The following ESRRG variants were observed in gnomAD, a reference collection of about 807,000 sequenced individuals.
ESRRG encodes the protein estrogen related receptor gamma, also known as estrogen-related receptor gamma.
ESRRG carries 13 observed loss-of-function variants against 44.0 expected under a neutral mutation model. That is an observed-to-expected ratio of 0.30 (90% CI 0.19 to 0.47). The LOEUF is 0.47. Among genes scored for constraint, ESRRG ranks in the 20% least tolerant of loss-of-function variants. The pLI, the probability that ESRRG is intolerant of heterozygous loss-of-function variation, is 1.00. For synonymous variants in ESRRG, 215 were observed against 214.6 expected, an observed-to-expected ratio of 1.00 and a Z score of -0.02; for missense variants, 395 against 580.6, an observed-to-expected ratio of 0.68 and a Z score of 3.29.
chr1:216,983,290 G>T (rs2074297353), intron 1 of ESRRG, among the ~76,000 whole-genome samples: 1 of 151,716 alleles, frequency 6.6e-6, no homozygotes, highest in African/African-American at 2.4e-5. Flanking sequence ...GGAGATTGGT[G>T]GTGTGATCTA....
rs551386102 is a variant in ESRRG at position 216,985,900 on chromosome 1, A to C, written c.-105-46227T>G. 5 of 152,340 alleles carry C rather than the reference A, an allele frequency of 3.3e-5. No homozygotes were observed. The East Asian group carries it at 9.7e-4, about 29-fold the overall frequency. 9.4% of individuals were successfully genotyped at this position (152,340 alleles called of 1,614,324 possible). ...AAATGTATACCAGTCCTTGGGAATT[A>C]AAATATAGGTCTCTTAGACAGGACA... On this transcript the variant is annotated intron_variant, in intron 1 of 7. Coordinates refer to the ESRRG transcript ENST00000359162.
At chr1:216,881,957 G>T (rs2096454500) in intron 2 of ESRRG, among the ~76,000 whole-genome samples, 1 of 145,728 alleles carries the variant, frequency 6.9e-6, no homozygotes, top group African/African-American at 2.6e-5. Context: ...CAATGAGTTT[G>T]CTATGCACTG....
intron 1 of ESRRG, among the ~76,000 whole-genome samples, chr1:216,683,379 A>C (rs2077370091): frequency 6.6e-6 from 1 of 152,198 alleles, no homozygotes; most frequent in African/African-American, 2.4e-5. Flanking sequence ...AATAGAATGG[A>C]TTTCTGTATA....
chr1:216,622,062 T>G (rs920599732), intron 3 of ESRRG, among the ~76,000 whole-genome samples: 4 of 152,210 alleles, frequency 2.6e-5, no homozygotes, highest in African/African-American at 9.6e-5. Flanking sequence ...TGGCATGGAA[T>G]TCAAGCAACA....
intron 2 of ESRRG, chr1:216,863,645 T>C (rs1300366912): frequency 6.6e-6 from 1 of 152,224 alleles, no homozygotes. Flanking sequence ...TTTTGAGAAA[T>C]AGTTATTATT....
chr1:216,868,906 A>G (rs2096216229), intron 2 of ESRRG, among the ~76,000 whole-genome samples: 1 of 152,154 alleles, frequency 6.6e-6, no homozygotes, highest in Admixed American at 6.5e-5. Flanking sequence ...ACATTTTAAA[A>G]TTAGGTTGTT....
chr1:216,858,657 C>T (rs1210150925), intron 2 of ESRRG, among the ~76,000 whole-genome samples: 1 of 152,134 alleles, frequency 6.6e-6, no homozygotes, highest in Non-Finnish European at 1.5e-5. Flanking sequence ...CAAGAACTCT[C>T]TTGGCAGGGA....
chr1:217,049,294 A>G (rs909619280), intron 1 of ESRRG, among the ~76,000 whole-genome samples: 26 of 152,118 alleles, frequency 1.7e-4, no homozygotes, highest in African/African-American at 6.0e-4. Flanking sequence ...GCTACTGTGA[A>G]TCTCCAAGAA....
chr1:216,940,528 C>G (rs545998036), intron 1 of ESRRG, among the ~76,000 whole-genome samples: 1 of 152,158 alleles, frequency 6.6e-6, no homozygotes, highest in African/African-American at 2.4e-5. Context: ...ATGCCCCTGA[C>G]AGTTTGTTTG....
At chr1:216,687,342 C>T (rs149557892) in intron 1 of ESRRG, among the ~76,000 whole-genome samples, 20 of 152,126 alleles carry the variant, frequency 1.3e-4, no homozygotes, top group African/African-American at 3.9e-4. Flanking sequence ...TCCCAGTGTG[C>T]GACACCACGC....
intron 2 of ESRRG, among the ~76,000 whole-genome samples, chr1:216,777,736 TTCTC>T (rs1171812754): frequency 2.0e-5 from 3 of 152,126 alleles, no homozygotes; most frequent in African/African-American, 7.2e-5. Context: ...CCACATTCCT[TTCTC>T]TCTCTTTCTT....
Position 217,017,490 on chromosome 1 carries a change from A to AT in ESRRG, c.-106+72016_-106+72017insA, listed in dbSNP as rs530083280. 4.5e-3 allele frequency among the ~76,000 whole-genome samples: 502 copies of AT among 111,944 alleles called. 3 individuals carry two copies. The highest frequency in any genetic ancestry group is 0.013 in the Admixed American group (129 of 10,282). 73.4% of individuals were successfully genotyped at this position (111,944 alleles called of 152,430 possible). On this transcript the variant is annotated intron_variant, in intron 1 of 7. Transcript: ENST00000359162. ...AATCTACATAACTCAAAAAAAAAAA[A>AT]AAAAAAAAGGAGAAAACCACTCCAC... is the stretch of plus-strand genomic sequence containing the variant.
At chr1:217,116,383 A>C (rs1279602858) in intron 1 of ESRRG, among the ~76,000 whole-genome samples, 1 of 152,166 alleles carries the variant, frequency 6.6e-6, no homozygotes, top group Non-Finnish European at 1.5e-5. Flanking sequence ...TTTTAAGAAG[A>C]GAGCTCCTGT....
At chr1:217,022,863 G>C (rs1005455668) in intron 1 of ESRRG, among the ~76,000 whole-genome samples, 6 of 152,100 alleles carry the variant, frequency 3.9e-5, no homozygotes. Context: ...GAGGGAGGAA[G>C]GTAGGAAGGC....
intron 3 of ESRRG, among the ~76,000 whole-genome samples, chr1:216,633,609 G>A (rs1041866788): frequency 1.4e-4 from 21 of 152,228 alleles, no homozygotes; most frequent in African/African-American, 5.1e-4. Flanking sequence ...ATACCTTCAG[G>A]ATCCTCAGTT....
chr1:217,122,817 T>C (rs2092838410), intron 1 of ESRRG, among the ~76,000 whole-genome samples: 1 of 151,948 alleles, frequency 6.6e-6, no homozygotes, highest in Admixed American at 6.6e-5. Context: ...ATTACAAGCA[T>C]GGGCTGCCAT....
chr1:217,100,994 A>G (rs562168957), intron 1 of ESRRG, among the ~76,000 whole-genome samples: 1 of 152,186 alleles, frequency 6.6e-6, no homozygotes, highest in Non-Finnish European at 1.5e-5. Context: ...TCATTCACTG[A>G]CATAGCATCT....
chr1:216,806,621 C>T (rs1321023063), intron 2 of ESRRG, among the ~76,000 whole-genome samples: 2 of 152,166 alleles, frequency 1.3e-5, no homozygotes, highest in African/African-American at 2.4e-5. Flanking sequence ...GTGCAGGCTG[C>T]AATACCATTC....
intron 1 of ESRRG, among the ~76,000 whole-genome samples, chr1:217,006,322 G>A (rs527794790): frequency 1.9e-4 from 29 of 152,144 alleles, no homozygotes; most frequent in Admixed American, 5.9e-4. Flanking sequence ...GCTTATCTGA[G>A]TAATCAACAT....
Sources: allele counts gnomAD v4.1 joint callset (sites outside exome capture counted in the v4.1 genomes callset), GRCh38; gene constraint gnomAD v4.1.1; transcripts MANE v1.5; gene names NCBI Gene and HGNC (gene_info 2026-07-23, HGNC 2026-07-21).